The following SLCO1B3 variants were observed in gnomAD, a reference collection of about 807,000 sequenced individuals.
SLCO1B3 encodes the protein solute carrier organic anion transporter family member 1B3, also known as liver-specific organic anion transporter 2.
SLCO1B3 carries 72 observed loss-of-function variants against 71.8 expected under a neutral mutation model. The ratio of observed to expected loss-of-function variants is 1.00; its 90% CI spans 0.83 to 1.22. The LOEUF (loss-of-function observed/expected upper bound fraction) is 1.22. Ranked by LOEUF, SLCO1B3 falls within the 50% of genes most tolerant of loss-of-function variation. SLCO1B3 has a pLI of 0.00. For synonymous variants in SLCO1B3, 298 were observed against 278.4 expected (o/e 1.07, Z -0.70); for missense variants, 911 against 819.7 (o/e 1.11, Z -1.36).
chr12:20,841,095 T>G (rs540338945), intron 3 of SLCO1B3, among the ~76,000 whole-genome samples: 1 of 152,262 alleles, frequency 6.6e-6, no homozygotes, highest in African/African-American at 2.4e-5. Context: ...TTTTCTTTTT[T>G]ACCCTAGCAC....
At chr12:20,882,648 C>A (rs2121312592) in intron 12 of SLCO1B3, among the ~76,000 whole-genome samples, 1 of 152,238 alleles carries the variant, frequency 6.6e-6, no homozygotes, top group South Asian at 2.1e-4. Context: ...TCATGATACG[C>A]CTGCCTCATC....
chr12:20,908,704 G>A (rs73233639), intron 15 of SLCO1B3, among the ~76,000 whole-genome samples: 4,262 of 152,148 alleles, frequency 0.028, 202 homozygotes, highest in African/African-American at 0.097. Flanking sequence ...GTACTTGTTT[G>A]TATTGCTTGA....
chr12:20,864,396 A>G (rs757131616), intron 8 of SLCO1B3, among the ~76,000 whole-genome samples: 1 of 152,170 alleles, frequency 6.6e-6, no homozygotes, highest in African/African-American at 2.4e-5. Context: ...ATGATTTTCT[A>G]TCTCTTGAGG....
At chr12:20,871,349 G>T (rs1432594314) in intron 8 of SLCO1B3, among the ~76,000 whole-genome samples, 1 of 152,144 alleles carries the variant, frequency 6.6e-6, no homozygotes, top group African/African-American at 2.4e-5. Context: ...CTTCAGAATA[G>T]CTATGTTGAA....
chr12:20,911,122 T>C (rs1232352562), intron 15 of SLCO1B3, among the ~76,000 whole-genome samples: 1 of 152,168 alleles, frequency 6.6e-6, no homozygotes, highest in African/African-American at 2.4e-5. Context: ...AAAATTCTCC[T>C]CTATTCCTAG....
At chr12:20,869,531 C>T (rs749434266) in intron 8 of SLCO1B3, among the ~76,000 whole-genome samples, 16 of 152,166 alleles carry the variant, frequency 1.1e-4, no homozygotes, top group Non-Finnish European at 1.0e-4. Flanking sequence ...TGGAACAGCT[C>T]GTGTCCTTGG....
At chr12:20,837,489 C>G (rs1399312910) in intron 3 of SLCO1B3, among the ~76,000 whole-genome samples, 1 of 151,962 alleles carries the variant, frequency 6.6e-6, no homozygotes, top group Non-Finnish European at 1.5e-5. Context: ...CTTTTGCTAC[C>G]TCCCACAAAC....
At chr12:20,874,766 A>C (rs1865544685) in intron 8 of SLCO1B3, among the ~76,000 whole-genome samples, 1 of 152,162 alleles carries the variant, frequency 6.6e-6, no homozygotes, top group Non-Finnish European at 1.5e-5. Context: ...CTGGGTAGTT[A>C]GGGTGCTGTG....
At chr12:20,867,303 A>G (rs959464994) in intron 8 of SLCO1B3, among the ~76,000 whole-genome samples, 3 of 152,188 alleles carry the variant, frequency 2.0e-5, no homozygotes, top group Admixed American at 1.3e-4. Context: ...CATCATTGTT[A>G]TGTAAAAAGC....
At chr12:20,895,020 A>G (rs1865976186) in intron 13 of SLCO1B3, among the ~76,000 whole-genome samples, 1 of 152,208 alleles carries the variant, frequency 6.6e-6, no homozygotes, top group Non-Finnish European at 1.5e-5. Flanking sequence ...AGTACGCATT[A>G]TAAAGCAATC....
At chr12:20,876,355 G>T (rs1203375474) in intron 9 of SLCO1B3, among the ~76,000 whole-genome samples, 4 of 152,142 alleles carry the variant, frequency 2.6e-5, no homozygotes, top group Non-Finnish European at 5.9e-5. Context: ...GGGAGAAATG[G>T]TGAAGTAGTA....
chr12:20,883,030 A>G (rs907377651), intron 12 of SLCO1B3, among the ~76,000 whole-genome samples: 1 of 152,000 alleles, frequency 6.6e-6, no homozygotes, highest in Non-Finnish European at 1.5e-5. Flanking sequence ...ACTCTGTCCC[A>G]TTTTCATGAG....
At chr12:20,899,215 C>A (rs1681358988) in intron 14 of SLCO1B3, among the ~76,000 whole-genome samples, 4 of 152,156 alleles carry the variant, frequency 2.6e-5, no homozygotes, top group Admixed American at 2.6e-4. Flanking sequence ...TTGCCATTTG[C>A]CTTTTTTACT....
chr12:20,895,733 C>T (rs1865992895), intron 13 of SLCO1B3, among the ~76,000 whole-genome samples: 1 of 152,164 alleles, frequency 6.6e-6, no homozygotes, highest in South Asian at 2.1e-4. Context: ...CCTCTTCTCA[C>T]AGCCCCACTA....
At chr12:20,863,910 A>T (rs1013010896) in intron 8 of SLCO1B3, among the ~76,000 whole-genome samples, 1 of 152,002 alleles carries the variant, frequency 6.6e-6, no homozygotes, top group African/African-American at 2.4e-5. Flanking sequence ...ATTTTAATGG[A>T]TATTTCTACT....
rs1343649722 is a variant in SLCO1B3, at chr12:20,815,809, G to A, written c.71G>A (p.Cys24Tyr). The part of the protein sequence containing the change: ...ASSEKKKTRR[C>Y]NGFKMFLAAL... ...TCAGAGAAAAAGAAAACAAGACGCT[G>A]CAATGGATTCAAGGTAGAATGGGTT... The change falls in exon 3 of 16, where the codon TGC (cysteine) becomes TAC (tyrosine). Residue 24 changes from cysteine (C) to tyrosine (Y), a missense_variant. By Grantham distance (194) the Cys-to-Tyr change is radical. Coordinates refer to ENST00000381545, the MANE Select transcript of SLCO1B3 (RefSeq NM_019844.4). The A allele has an allele frequency of 1.9e-6, 3 of 1,591,254 alleles. No homozygotes were observed. Among genetic ancestry groups the A allele is most frequent in the South Asian group, 2.3e-5 (2 of 86,900 alleles).
chr12:20,811,299 C>T (rs1460747863), intron 1 of SLCO1B3, among the ~76,000 whole-genome samples: 1 of 151,958 alleles, frequency 6.6e-6, no homozygotes, highest in Non-Finnish European at 1.5e-5. Context: ...ACTTTTTTAT[C>T]TCTGTTCAAA....
At chr12:20,883,874 G>T (rs565347398) in intron 13 of SLCO1B3, among the ~76,000 whole-genome samples, 1 of 152,176 alleles carries the variant, frequency 6.6e-6, no homozygotes, top group Middle Eastern at 3.4e-3. Context: ...TTGATTGTAG[G>T]AGAATCTTTG....
intron 3 of SLCO1B3, among the ~76,000 whole-genome samples, chr12:20,849,724 C>CAT (rs1339462937): frequency 9.5e-6 from 1 of 105,274 alleles, no homozygotes; most frequent in Non-Finnish European, 2.1e-5. Flanking sequence ...CACACACACA[C>CAT]ACACACACAC....
Sources: allele counts gnomAD v4.1 joint callset (sites outside exome capture counted in the v4.1 genomes callset), GRCh38; gene constraint gnomAD v4.1.1; transcripts MANE v1.5; gene names NCBI Gene and HGNC (gene_info 2026-07-23, HGNC 2026-07-21).